The following GPC6 variants were observed in gnomAD, a reference collection of about 807,000 sequenced individuals.
GPC6 encodes the protein glypican 6, also known as glypican-6.
Under a neutral mutation model 55.2 loss-of-function variants are expected in GPC6, and 14 were observed. The ratio of observed to expected loss-of-function variants is 0.25; its 90% CI spans 0.17 to 0.40. The LOEUF is 0.40. GPC6 is among the 10% of genes least tolerant of loss of function. GPC6 has a pLI of 1.00. For synonymous variants in GPC6, 278 were observed against 259.6 expected (o/e 1.07, Z -0.68); for missense variants, 641 against 708.5 (o/e 0.90, Z 1.08).
intron 4 of GPC6, among the ~76,000 whole-genome samples, chr13:94,063,790 G>A (rs1008009299): frequency 2.0e-5 from 3 of 152,086 alleles, no homozygotes; most frequent in Non-Finnish European, 2.9e-5. Context: ...AGACTAATAC[G>A]AAATATGGAT....
chr13:94,279,222 A>G (rs1466335534), intron 4 of GPC6, among the ~76,000 whole-genome samples: 7 of 151,926 alleles, frequency 4.6e-5, no homozygotes, highest in Admixed American at 3.9e-4. Flanking sequence ...ATTTATTTGC[A>G]TAGAGGTGTT....
intron 3 of GPC6, among the ~76,000 whole-genome samples, chr13:93,854,685 A>G (rs1035861920): frequency 6.6e-6 from 1 of 151,790 alleles, no homozygotes; most frequent in Non-Finnish European, 1.5e-5. Flanking sequence ...ATTCTTATCC[A>G]TTAATCAACT....
At chr13:94,298,730 C>G (rs184291782) in intron 5 of GPC6, among the ~76,000 whole-genome samples, 1 of 152,212 alleles carries the variant, frequency 6.6e-6, no homozygotes. Context: ...TTTGGCTTTG[C>G]TTTAATTTAG....
chr13:94,017,193 TTG>T (rs1882501314), intron 3 of GPC6, among the ~76,000 whole-genome samples: 1 of 152,222 alleles, frequency 6.6e-6, no homozygotes, highest in African/African-American at 2.4e-5. Context: ...CAACACATTT[TTG>T]TGTGGTTAAT....
intron 3 of GPC6, among the ~76,000 whole-genome samples, chr13:93,860,269 C>T: frequency 6.6e-6 from 1 of 151,600 alleles, no homozygotes; most frequent in East Asian, 2.0e-4. Flanking sequence ...ATATACTTCT[C>T]ATAGACCCTT....
intron 2 of GPC6, among the ~76,000 whole-genome samples, chr13:93,684,479 C>T (rs982894224): frequency 2.6e-5 from 4 of 152,044 alleles, no homozygotes; most frequent in African/African-American, 4.8e-5. Flanking sequence ...TGAGCTACCA[C>T]GCCAAGCCTG....
At chr13:94,311,957 C>G (rs1876270590) in intron 6 of GPC6, among the ~76,000 whole-genome samples, 1 of 152,184 alleles carries the variant, frequency 6.6e-6, no homozygotes, top group African/African-American at 2.4e-5. Flanking sequence ...TAGTGTCTGC[C>G]CTTTCCAACA....
At position 93,571,587 on chromosome 13, in the gene GPC6, G is replaced by A. The variant is rs116885352; in HGVS notation, c.319+26166G>A. On this transcript the variant is annotated intron_variant, in intron 2 of 8. Coordinates refer to ENST00000377047, the MANE Select transcript of GPC6 (RefSeq NM_005708.5). Reference sequence around the variant, plus strand: ...TCTGCATGAAGGAACTAAGACCACAGGGAAGGATTTAACTATTTTGATTTA... The same window carrying A: ...TCTGCATGAAGGAACTAAGACCACAAGGAAGGATTTAACTATTTTGATTTA... 3.5e-3 allele frequency among the ~76,000 whole-genome samples: 530 copies of A among 152,190 alleles called. 1 individual carries two copies. The highest frequency in any genetic ancestry group is 6.1e-3 in the Non-Finnish European group (413 of 67,992).
chr13:93,739,013 A>G (rs1377059196), intron 2 of GPC6, among the ~76,000 whole-genome samples: 1 of 151,752 alleles, frequency 6.6e-6, no homozygotes, highest in African/African-American at 2.4e-5. Flanking sequence ...TAAAGATATA[A>G]TGACATTCTG....
intron 6 of GPC6, among the ~76,000 whole-genome samples, chr13:94,326,598 C>G (rs1050590862): frequency 6.6e-6 from 1 of 152,200 alleles, no homozygotes; most frequent in African/African-American, 2.4e-5. Context: ...TACAGCCTCC[C>G]CAACCATCAC....
At chr13:93,516,567 A>C (rs1881201071) in intron 1 of GPC6, among the ~76,000 whole-genome samples, 1 of 152,166 alleles carries the variant, frequency 6.6e-6, no homozygotes, top group African/African-American at 2.4e-5. Flanking sequence ...CAAAAGCAAA[A>C]ATCAATGTAA....
chr13:94,166,734 A>C (rs778381978), intron 4 of GPC6, among the ~76,000 whole-genome samples: 18 of 152,210 alleles, frequency 1.2e-4, no homozygotes, highest in Admixed American at 9.8e-4. Flanking sequence ...AGAAGCATTA[A>C]GCTGTAGTAC....
chr13:93,531,724 C>T lies in GPC6; in HGVS notation c.161-13539C>T, dbSNP rs80128395. On this transcript the variant is annotated intron_variant, in intron 1 of 8. Transcript: ENST00000377047. ...AAACATTTTATTTATTAAGTCCAAACAATTCACTATTTGTATCCTAAAATC... is the reference window on the plus strand; with the variant it reads ...AAACATTTTATTTATTAAGTCCAAATAATTCACTATTTGTATCCTAAAATC... Among the ~76,000 whole-genome samples the T allele has an allele frequency of 2.8e-3, 425 of 152,266 alleles. 4 individuals are homozygous for T. The East Asian group carries it at 0.043, about 15-fold the overall frequency.
chr13:93,339,816 T>G (rs1230503527), intron 1 of GPC6, among the ~76,000 whole-genome samples: 1 of 152,122 alleles, frequency 6.6e-6, no homozygotes, highest in African/African-American at 2.4e-5. Context: ...AAGCTCTGCT[T>G]TTTATAACTT....
At chr13:94,017,208 T>G (rs924733696) in intron 3 of GPC6, among the ~76,000 whole-genome samples, 1 of 152,254 alleles carries the variant, frequency 6.6e-6, no homozygotes, top group Admixed American at 6.5e-5. Flanking sequence ...TGGTTAATCT[T>G]GTACCCTGTA....
At chr13:93,672,658 CAT>C (rs145132164) in intron 2 of GPC6, among the ~76,000 whole-genome samples, 10 of 148,962 alleles carry the variant, frequency 6.7e-5, no homozygotes, top group East Asian at 4.0e-4. Context: ...ATATATATGC[CAT>C]ATATATATAC....
intron 4 of GPC6, among the ~76,000 whole-genome samples, chr13:94,067,685 A>G (rs536628542): frequency 1.3e-5 from 2 of 152,300 alleles, no homozygotes; most frequent in South Asian, 4.1e-4. Flanking sequence ...TTGTATCCAT[A>G]TATTCTGGCA....
chr13:93,993,295 C>CT (rs545224527), intron 3 of GPC6, among the ~76,000 whole-genome samples: 2,099 of 139,834 alleles, frequency 0.015, 38 homozygotes, highest in East Asian at 0.071. Context: ...TTCTTTCTTT[C>CT]TTTTTTTTTT....
At chr13:93,581,836 A>T (rs1025865441) in intron 2 of GPC6, among the ~76,000 whole-genome samples, 2 of 152,224 alleles carry the variant, frequency 1.3e-5, no homozygotes, top group Admixed American at 1.3e-4. Flanking sequence ...TGAGGGAAAG[A>T]TGTTCTTGAG....
Sources: gnomAD v4.1 joint callset for allele counts (sites outside exome capture counted in the v4.1 genomes callset) on GRCh38, gnomAD v4.1.1 for gene constraint, MANE v1.5 for transcripts, NCBI Gene and HGNC (gene_info 2026-07-23, HGNC 2026-07-21) for gene names.